CCT3: variants seen among roughly 807,000 people sequenced by gnomAD.
CCT3 encodes the protein chaperonin containing TCP1 subunit 3, also known as T-complex protein 1 subunit gamma.
Under a neutral mutation model 65.3 loss-of-function variants are expected in CCT3, and 10 were observed. The ratio of observed to expected loss-of-function variants is 0.15; its 90% CI spans 0.09 to 0.26. CCT3 has a LOEUF of 0.26. Ranked by LOEUF, CCT3 falls within the 10% of genes least tolerant of loss-of-function variation. The pLI, the probability that CCT3 is intolerant of heterozygous loss-of-function variation, is 1.00. For synonymous variants in CCT3, 225 were observed against 242.3 expected (o/e 0.93, Z 0.66); for missense variants, 626 against 708.7 (o/e 0.88, Z 1.33).
chr1:156,327,260 G>A (rs757304510), intron 5 of CCT3, among the ~76,000 whole-genome samples: 21 of 151,940 alleles, frequency 1.4e-4, no homozygotes, highest in Non-Finnish European at 2.4e-4. Context: ...AATGTACATA[G>A]CCTCTCGCCT....
rs369472715 is a variant in CCT3 at position 156,320,686 on chromosome 1, C to T, written c.609+153G>A. 2.6e-5 allele frequency among the ~76,000 whole-genome samples: 4 copies of T among 152,156 alleles called. No homozygotes were observed. The South Asian group carries it at 6.2e-4, about 24-fold the overall frequency. ...AGTTTGAGGCTGCAGTGGGCTGTGA[C>T]TGTGCCACTATACTCCAGCCTAGGC... On this transcript the variant is annotated intron_variant, in intron 7 of 13. Coordinates refer to ENST00000295688, the MANE Select transcript of CCT3 (RefSeq NM_005998.5).
Position 156,338,276 on chromosome 1 carries a change from G to C in CCT3, c.-92C>G. 7.6e-7 allele frequency: 1 copy of C among 1,316,540 alleles called. No homozygotes were observed. The highest frequency in any genetic ancestry group is 1.1e-6 in the Non-Finnish European group (1 of 935,798). 81.6% of individuals were successfully genotyped at this position (1,316,540 alleles called of 1,614,324 possible). On this transcript the variant is annotated 5_prime_UTR_variant, in exon 1 of 14. Transcript: ENST00000295688. The stretch of plus-strand genomic sequence containing the variant: ...ACCAGACAGAAGCCCAGAAAACGCT[G>C]CCTCCTCAGGGCTTACACCTCAACC...
intron 1 of CCT3, chr1:156,337,028 G>C: frequency 8.0e-7 from 1 of 1,250,982 alleles, no homozygotes; most frequent in Non-Finnish European, 1.0e-6. Context: ...GAGATGGCTA[G>C]CCAGGCTCTG....
intron 5 of CCT3, 134 bp from the exon 6 acceptor site, chr1:156,325,223 A>C: frequency 1.5e-6 from 1 of 672,880 alleles, no homozygotes; most frequent in Non-Finnish European, 2.7e-6. Flanking sequence ...CATTCATACT[A>C]TTCCAAATTC....
rs756459894 is a variant in CCT3 at position 156,312,143 on chromosome 1, T to C, written c.1053A>G (p.Glu351=). The part of the protein sequence containing the change: ...DDVGTGAGLL[E]IKKIGDEYFT... Reference sequence around the variant, plus strand: ...AGTATTCATCTCCAATTTTCTTGATTTCCAACAGGCCTGCTCCTGTTCCAA... The same window carrying C: ...AGTATTCATCTCCAATTTTCTTGATCTCCAACAGGCCTGCTCCTGTTCCAA... Residue 351 remains glutamate (E), a synonymous_variant, in exon 11 of 14, where the codon GAA becomes GAG. Transcript: ENST00000295688. 2 of 1,614,124 alleles carry C rather than the reference T, an allele frequency of 1.2e-6. No homozygotes were observed. Among genetic ancestry groups the C allele is most frequent in the East Asian group, 4.5e-5 (2 of 44,868 alleles).
At chr1:156,314,907 G>A (rs1664243296) in intron 10 of CCT3, among the ~76,000 whole-genome samples, 2 of 152,144 alleles carry the variant, frequency 1.3e-5, no homozygotes, top group Admixed American at 1.3e-4. Context: ...TTATGATATG[G>A]ACCCTTCTAT....
chr1:156,311,309 G>A, intron 11 of CCT3, 114 bp from the exon 12 acceptor site: 1 of 1,023,852 alleles, frequency 9.8e-7, no homozygotes, highest in Non-Finnish European at 1.5e-6. Context: ...AGGGCAACTA[G>A]AAAAGGTCCT....
chr1:156,309,390 T>G, intron 13 of CCT3, 87 bp from the exon 14 acceptor site: 1 of 853,398 alleles, frequency 1.2e-6, no homozygotes, highest in Non-Finnish European at 2.0e-6. Flanking sequence ...TAGATGCTAC[T>G]ATGGAACTGC....
chr1:156,320,732 CA>C, intron 7 of CCT3, 106 bp downstream of exon 7: 1 of 895,576 alleles, frequency 1.1e-6, no homozygotes, highest in East Asian at 2.4e-5. Context: ...GACTCTGTCT[CA>C]AAAACAAAAC....
rs532293658 is a variant in CCT3, at chr1:156,309,381, A to G, written c.1534-78T>C. On this transcript the variant is annotated intron_variant, in intron 13 of 13. Transcript: ENST00000295688. ...TTTCTTTCCTTTAGATCTATCACCT[A>G]GATGCTACTATGGAACTGCCATTTT... 11 of 950,232 alleles carry G rather than the reference A, an allele frequency of 1.2e-5. No individual in the cohort carries two copies. The East Asian group carries it at 2.4e-4, about 21-fold the overall frequency. The allele number at this position is 950,232 out of a possible 1,614,324, so 58.9% of individuals were successfully genotyped here.
Position 156,325,026 on chromosome 1 carries a change from A to G in CCT3, c.368T>C (p.Ile123Thr), listed in dbSNP as rs535596655. 9.3e-6 allele frequency: 15 copies of G among 1,613,872 alleles called. No individual in the cohort carries two copies. The African/African-American group carries it at 9.3e-5, about 10-fold the overall frequency. ...ATCCAATGCCTTGCGGTAAGCACTG[A>G]TCACCACTGTTGGGTGCATCTGCTG... ...LEQQMHPTVV[I>T]SAYRKALDDM... The change falls in exon 6 of 14, where the codon ATC (isoleucine) becomes ACC (threonine). Residue 123 changes from isoleucine to threonine, a missense_variant. Coordinates refer to ENST00000295688, the MANE Select transcript of CCT3 (RefSeq NM_005998.5).
At position 156,318,907 on chromosome 1, in the gene CCT3, C is replaced by A; in HGVS notation, c.720G>T (p.Leu240=). 1 of 1,614,082 alleles carries A rather than the reference C, an allele frequency of 6.2e-7. No individual in the cohort carries two copies. The highest frequency in any genetic ancestry group is 8.5e-7 in the Non-Finnish European group (1 of 1,180,012). Residue 240 remains leucine (L), a synonymous_variant, in exon 8 of 14, where the codon CTG becomes CTT. Coordinates refer to ENST00000295688, the MANE Select transcript of CCT3 (RefSeq NM_005998.5). ...RRYIKNPRIV[L]LDSSLEYKKG... The stretch of plus-strand genomic sequence containing the variant: ...TCTTGTATTCCAGAGAAGAATCCAG[C>A]AGCACAATGCGAGGGTTCTTGATAT...
intron 5 of CCT3, among the ~76,000 whole-genome samples, chr1:156,329,424 G>A (rs1470164137): frequency 6.7e-6 from 1 of 149,722 alleles, no homozygotes; most frequent in Non-Finnish European, 1.5e-5. Flanking sequence ...TCCTGACTCA[G>A]CCTCCCGAGT....
chr1:156,330,603 A>G (rs902964097), intron 5 of CCT3, among the ~76,000 whole-genome samples: 2 of 152,132 alleles, frequency 1.3e-5, no homozygotes, highest in South Asian at 4.1e-4. Context: ...CAGAGGTTGC[A>G]GTGAGCCAAG....
chr1:156,318,843 T>C, intron 8 of CCT3, 25 bp downstream of exon 8: 1 of 1,597,766 alleles, frequency 6.3e-7, no homozygotes, highest in Non-Finnish European at 8.5e-7. Context: ...GCATCTACTT[T>C]AAGGAACAAG....
chr1:156,317,253 A>T lies in CCT3; in HGVS notation c.893-6T>A. The T allele has an allele frequency of 6.2e-7, 1 of 1,613,780 alleles. No individual in the cohort carries two copies. Among genetic ancestry groups the T allele is most frequent in the Non-Finnish European group, 8.5e-7 (1 of 1,179,622 alleles). On this transcript the variant is annotated splice_region_variant and splice_polypyrimidine_tract_variant and intron_variant, in intron 9 of 13. Transcript: ENST00000295688. Reference sequence around the variant, plus strand: ...AAGGTAGTGCTGAGCTAAATCTACAAATCCAAGAGTAGAGATGTCAAGCTG... The same window carrying T: ...AAGGTAGTGCTGAGCTAAATCTACATATCCAAGAGTAGAGATGTCAAGCTG...
intron 5 of CCT3, among the ~76,000 whole-genome samples, chr1:156,327,701 G>A (rs1341677571): frequency 6.6e-6 from 1 of 151,182 alleles, no homozygotes; most frequent in African/African-American, 2.4e-5. Flanking sequence ...GCCTCTGCCC[G>A]GCCGCCACCC....
chr1:156,324,820 G>A (rs1383329261), intron 6 of CCT3, 152 bp downstream of exon 6: 5 of 590,852 alleles, frequency 8.5e-6, no homozygotes, highest in South Asian at 4.3e-5. Context: ...GTACAGACGA[G>A]GTTTCACCAT....
At position 156,312,046 on chromosome 1, in the gene CCT3, G is replaced by T. The variant is rs746203604; in HGVS notation, c.1150C>A (p.Leu384Ile). 3 of 1,610,930 alleles carry T rather than the reference G, an allele frequency of 1.9e-6. No individual in the cohort carries two copies. Among genetic ancestry groups the T allele is most frequent in the South Asian group, 2.2e-5 (2 of 90,688 alleles). ...ILLRGASKEILSEVERNLQDA... is the reference protein window; with the variant it reads ...ILLRGASKEIISEVERNLQDA... Reference sequence around the variant, plus strand: ...TACATCCAAGGCTGACTCACCGAGAGAATCTCTTTGCTAGCCCCCCGGAGG... The same window carrying T: ...TACATCCAAGGCTGACTCACCGAGATAATCTCTTTGCTAGCCCCCCGGAGG... The change falls in exon 11 of 14, where the codon CTC becomes ATC. Residue 384 changes from leucine to isoleucine, a missense_variant. Coordinates refer to ENST00000295688, the MANE Select transcript of CCT3 (RefSeq NM_005998.5).
Sources: gnomAD v4.1 joint callset for allele counts (sites outside exome capture counted in the v4.1 genomes callset) on GRCh38, gnomAD v4.1.1 for gene constraint, MANE v1.5 for transcripts, NCBI Gene and HGNC (gene_info 2026-07-23, HGNC 2026-07-21) for gene names.